Variants in RFX3 observed in about 807,000 individuals in gnomAD.
The protein encoded by RFX3 is regulatory factor X3, also known as transcription factor RFX3.
RFX3 carries 14 observed loss-of-function variants against 98.6 expected under a neutral mutation model. That is an observed-to-expected ratio of 0.14 (90% CI 0.09 to 0.22). The LOEUF (loss-of-function observed/expected upper bound fraction) is 0.22. Among genes scored for constraint, RFX3 ranks in the 10% least tolerant of loss-of-function variants. The probability of loss-of-function intolerance (pLI) is 1.00; values close to 1 mark genes in which losing one functional copy is unlikely to be tolerated. For missense variants in RFX3, 639 were observed against 926.9 expected, an observed-to-expected ratio of 0.69 and a Z score of 4.03; for synonymous variants, 383 against 328.4, an observed-to-expected ratio of 1.17 and a Z score of -1.80.
At chr9:3,379,728 A>G (rs994587946) in intron 2 of RFX3, among the ~76,000 whole-genome samples, 1 of 151,918 alleles carries the variant, frequency 6.6e-6, no homozygotes, top group African/African-American at 2.4e-5. Flanking sequence ...GAGAAACACT[A>G]CTCTTTGCAA....
chr9:3,313,571 C>A (rs1213716485), intron 4 of RFX3, among the ~76,000 whole-genome samples: 1 of 152,190 alleles, frequency 6.6e-6, no homozygotes, highest in Admixed American at 6.5e-5. Flanking sequence ...TAACAAACTT[C>A]TCTGAGCTAA....
At chr9:3,239,894 C>T (rs896304920) in intron 15 of RFX3, among the ~76,000 whole-genome samples, 2 of 152,222 alleles carry the variant, frequency 1.3e-5, no homozygotes, top group African/African-American at 4.8e-5. Flanking sequence ...TGCCCCGTGG[C>T]TCTGAGTTCC....
chr9:3,285,123 TC>T (rs1826408908), intron 7 of RFX3, among the ~76,000 whole-genome samples: 1 of 151,796 alleles, frequency 6.6e-6, no homozygotes, highest in Admixed American at 6.6e-5. Context: ...AACAAAATAA[TC>T]ACTGCATAGA....
intron 1 of RFX3, among the ~76,000 whole-genome samples, chr9:3,488,258 T>C (rs1275099741): frequency 2.0e-5 from 3 of 152,210 alleles, no homozygotes; most frequent in Non-Finnish European, 2.9e-5. Context: ...TCATTTCCTA[T>C]TACTTTACCA....
At chr9:3,259,182 G>C (rs573450246) in intron 13 of RFX3, among the ~76,000 whole-genome samples, 8 of 151,802 alleles carry the variant, frequency 5.3e-5, no homozygotes, top group Admixed American at 2.0e-4. Flanking sequence ...TTGTTTGCAC[G>C]TTGATAATTG....
chr9:3,321,186 G>A (rs72699050), intron 4 of RFX3, among the ~76,000 whole-genome samples: 15,794 of 151,996 alleles, frequency 0.1, 844 homozygotes, highest in Middle Eastern at 0.19. Context: ...TTACACACGT[G>A]AGCCACCGCC....
Position 3,312,874 on chromosome 9 carries a change from A to G in RFX3, c.475-11254T>C, listed in dbSNP as rs905606446. On this transcript the variant is annotated intron_variant, in intron 4 of 16. Coordinates refer to ENST00000617270, the MANE Select transcript of RFX3 (RefSeq NM_001282116.2). ...GTAAACAAAGCGGCCTGGAAGCTCCAACTTGGTGGAGCCCACCGCAGATCA... is the reference window on the plus strand; with the variant it reads ...GTAAACAAAGCGGCCTGGAAGCTCCGACTTGGTGGAGCCCACCGCAGATCA... 7.9e-5 allele frequency among the ~76,000 whole-genome samples: 12 copies of G among 152,244 alleles called. 1 individual carries two copies. Among genetic ancestry groups the G allele is most frequent in the Admixed American group, 5.9e-4 (9 of 15,284 alleles).
chr9:3,306,444 G>C (rs997671629), intron 4 of RFX3, among the ~76,000 whole-genome samples: 1 of 151,852 alleles, frequency 6.6e-6, no homozygotes, highest in East Asian at 1.9e-4. Flanking sequence ...AGTGATTAAA[G>C]GCAAACTGAA....
intron 1 of RFX3, among the ~76,000 whole-genome samples, chr9:3,439,860 TG>T (rs2082589008): frequency 6.6e-6 from 1 of 151,998 alleles, no homozygotes. Context: ...TGTACATAAA[TG>T]TAAAAATCTT....
chr9:3,297,697 C>T (rs1477935746), intron 5 of RFX3, among the ~76,000 whole-genome samples: 1 of 151,842 alleles, frequency 6.6e-6, no homozygotes, highest in Non-Finnish European at 1.5e-5. Flanking sequence ...GAGTAAAAAA[C>T]AAGGTTTTGC....
At chr9:3,394,776 T>C in intron 2 of RFX3, 1 of 945,498 alleles carries the variant, frequency 1.1e-6, no homozygotes, top group Non-Finnish European at 1.3e-6. Flanking sequence ...TTCTCACTTA[T>C]GTTCTCACCA....
At position 3,271,107 on chromosome 9, in the gene RFX3, G is replaced by A. The variant is rs781734586; in HGVS notation, c.1098C>T (p.Asp366=). Residue 366 remains aspartate (D), a synonymous_variant, in exon 10 of 17, where the codon GAC becomes GAT. Transcript: ENST00000617270. The part of the protein sequence containing the change: ...LYREHCEAIL[D]VVVNLQFSLI... ...GGCTAAATTGAAGATTCACAACAAC[G>A]TCCAATATTGCCTAAAAAACAAAAT... The A allele has an allele frequency of 2.5e-5, 41 of 1,613,272 alleles. No individual in the cohort carries two copies. Among genetic ancestry groups the A allele is most frequent in the African/African-American group, 5.3e-5 (4 of 74,830 alleles).
chr9:3,366,722 CTTT>C lies in RFX3; in HGVS notation c.118-19961_118-19959del, dbSNP rs1563994433. 5.0e-3 allele frequency among the ~76,000 whole-genome samples: 457 copies of C among 90,820 alleles called. 4 individuals are homozygous for C. Among genetic ancestry groups the C allele is most frequent in the African/African-American group, 0.019 (438 of 23,552 alleles). 59.6% of individuals were successfully genotyped at this position (90,820 alleles called of 152,430 possible). A position where few individuals can be genotyped will look rare whatever the true frequency, so the allele number is the denominator to read the frequency against. ...TCTTTCTTTCTTTCTTTCTTTCTTT[CTTT>C]CTTTCTTTCTTTCTTTCTTTCTTTC... On this transcript the variant is annotated intron_variant, in intron 2 of 16. Coordinates refer to ENST00000617270, the MANE Select transcript of RFX3 (RefSeq NM_001282116.2).
chr9:3,427,519 AAAT>A (rs1042817192), intron 1 of RFX3, among the ~76,000 whole-genome samples: 9 of 148,164 alleles, frequency 6.1e-5, no homozygotes, highest in African/African-American at 2.2e-4. Flanking sequence ...GTTACTATAT[AAAT>A]AATACAATGC....
chr9:3,237,066 TTCTC>T (rs1479065778), intron 15 of RFX3, among the ~76,000 whole-genome samples: 2 of 152,230 alleles, frequency 1.3e-5, no homozygotes, highest in African/African-American at 4.8e-5. Flanking sequence ...ACATTATCCT[TTCTC>T]TCCACTTCAC....
At chr9:3,406,678 C>T (rs538315111) in intron 1 of RFX3, among the ~76,000 whole-genome samples, 16 of 152,228 alleles carry the variant, frequency 1.1e-4, no homozygotes, top group African/African-American at 3.1e-4. Context: ...TTAGAATATG[C>T]TGCACCAGAG....
At chr9:3,336,107 G>GAA in intron 3 of RFX3, among the ~76,000 whole-genome samples, 1 of 152,202 alleles carries the variant, frequency 6.6e-6, no homozygotes, top group South Asian at 2.1e-4. Context: ...GCATGAAAGT[G>GAA]ATACATTAAG....
intron 3 of RFX3, among the ~76,000 whole-genome samples, chr9:3,331,711 T>C (rs1369244169): frequency 6.6e-6 from 1 of 152,182 alleles, no homozygotes; most frequent in African/African-American, 2.4e-5. Flanking sequence ...CAAATATTAA[T>C]ATTTTTCTGA....
intron 3 of RFX3, among the ~76,000 whole-genome samples, chr9:3,332,099 T>C (rs536418034): frequency 1.3e-5 from 2 of 152,320 alleles, no homozygotes; most frequent in South Asian, 4.1e-4. Context: ...TGTTATCTTC[T>C]AAATAATTTT....
Sources: allele counts gnomAD v4.1 joint callset (sites outside exome capture counted in the v4.1 genomes callset), GRCh38; gene constraint gnomAD v4.1.1; transcripts MANE v1.5; gene names NCBI Gene and HGNC (gene_info 2026-07-23, HGNC 2026-07-21).